The following TRHDE variants were observed in gnomAD, a reference collection of about 807,000 sequenced individuals.
The protein encoded by TRHDE is thyrotropin-releasing hormone-degrading ectoenzyme.
A neutral mutation model predicts 125.7 loss-of-function variants in TRHDE; 72 were observed. The observed-to-expected ratio is 0.57, with a 90% CI of 0.47 to 0.70. The LOEUF is 0.70. TRHDE is among the 30% of genes least tolerant of loss of function. The pLI is 0.00. For missense variants in TRHDE, 1,110 were observed against 1,327.1 expected, an observed-to-expected ratio of 0.84 and a Z score of 2.54; for synonymous variants, 509 against 509.1, an observed-to-expected ratio of 1.00 and a Z score of 0.00.
chr12:72,132,570 ACT>A (rs1456938085), intron 2 of TRHDE, among the ~76,000 whole-genome samples: 3 of 152,218 alleles, frequency 2.0e-5, no homozygotes, highest in Admixed American at 2.0e-4. Flanking sequence ...ATACTCTTGC[ACT>A]CTCTCTCCAA....
intron 7 of TRHDE, among the ~76,000 whole-genome samples, chr12:72,544,105 A>C (rs528586498): frequency 2.6e-4 from 39 of 151,542 alleles, no homozygotes; most frequent in African/African-American, 9.4e-4. Context: ...GATCAGATAG[A>C]TCTGTATCCT....
intron 7 of TRHDE, among the ~76,000 whole-genome samples, chr12:72,548,539 C>T (rs932556038): frequency 2.6e-5 from 4 of 151,584 alleles, no homozygotes; most frequent in Admixed American, 1.3e-4. Context: ...CCTGATTCTA[C>T]GTAAGTAGAA....
chr12:72,272,670 G>T lies in TRHDE; in HGVS notation c.27G>T (p.Glu9Asp). The T allele has an allele frequency of 6.3e-6, 8 of 1,273,990 alleles. No individual in the cohort carries two copies. The highest frequency in any genetic ancestry group is 8.4e-6 in the Non-Finnish European group (8 of 956,140). The allele number at this position is 1,273,990 out of a possible 1,614,324, so 78.9% of individuals were successfully genotyped here. The change falls in exon 1 of 19, where the codon GAG becomes GAT. Residue 9 changes from glutamate (E) to aspartate (D), a missense_variant. By Grantham distance (45) the Glu-to-Asp change is conservative. Coordinates refer to ENST00000261180, the MANE Select transcript of TRHDE (RefSeq NM_013381.3). This position sits in a 1 kb window ranked among gnomAD's most constrained non-coding sequence, Gnocchi z 6.7. MALDGELGEQEEEKKKKKK... is the reference protein window; with the variant it reads MALDGELGDQEEEKKKKKK... Reference sequence around the variant, plus strand: ...TGGCCCTGGACGGCGAGCTGGGGGAGCAAGAGGAGGAGAAGAAAAAGAAGA... The same window carrying T: ...TGGCCCTGGACGGCGAGCTGGGGGATCAAGAGGAGGAGAAGAAAAAGAAGA...
chr12:72,625,736 C>T (rs1270769799), intron 15 of TRHDE, among the ~76,000 whole-genome samples: 1 of 151,758 alleles, frequency 6.6e-6, no homozygotes, highest in African/African-American at 2.4e-5. Flanking sequence ...ATGCAACTTG[C>T]CAAGATTATA....
intron 2 of TRHDE, chr12:72,264,156 A>G (rs1879014833): frequency 6.6e-6 from 1 of 152,092 alleles, no homozygotes; most frequent in Non-Finnish European, 1.5e-5. Context: ...TACATGAAGA[A>G]TGTTTGGGAA....
chr12:72,168,123 T>C (rs547776272), intron 2 of TRHDE, among the ~76,000 whole-genome samples: 13 of 152,314 alleles, frequency 8.5e-5, no homozygotes, highest in Admixed American at 3.9e-4. Context: ...AAAGCAGATA[T>C]GCATATTTTG....
At chr12:72,437,243 G>A (rs1239455177) in intron 3 of TRHDE, among the ~76,000 whole-genome samples, 2 of 151,922 alleles carry the variant, frequency 1.3e-5, no homozygotes, top group East Asian at 1.9e-4. Context: ...TTCAAATATT[G>A]CCTTACAGAG....
At chr12:72,343,379 A>T (rs1180680696) in intron 2 of TRHDE, among the ~76,000 whole-genome samples, 1 of 152,120 alleles carries the variant, frequency 6.6e-6, no homozygotes, top group Non-Finnish European at 1.5e-5. Context: ...TGTGAATGCT[A>T]TATTTTCAAT....
chr12:72,310,205 C>T (rs138480457), intron 2 of TRHDE, among the ~76,000 whole-genome samples: 3 of 152,256 alleles, frequency 2.0e-5, no homozygotes, highest in East Asian at 3.9e-4. Flanking sequence ...ACTTTCTTCA[C>T]CTGTTAAAGG....
chr12:72,616,866 A>G (rs1872836835), intron 12 of TRHDE, among the ~76,000 whole-genome samples: 1 of 152,124 alleles, frequency 6.6e-6, no homozygotes, highest in Non-Finnish European at 1.5e-5. Context: ...ATATATAATC[A>G]CCACACTAAT....
chr12:72,443,302 A>C (rs577500481), intron 3 of TRHDE, among the ~76,000 whole-genome samples: 1 of 150,224 alleles, frequency 6.7e-6, no homozygotes, highest in African/African-American at 2.4e-5. Context: ...TTTATCTTTA[A>C]GGGAGTCTAC....
intron 6 of TRHDE, 73 bp from the exon 7 acceptor site, chr12:72,542,218 G>C: frequency 8.5e-7 from 1 of 1,171,932 alleles, no homozygotes; most frequent in Non-Finnish European, 1.2e-6. Context: ...AAGTAGACTA[G>C]ATTTGAGTAA....
chr12:72,482,922 G>T (rs1436150052), intron 5 of TRHDE, among the ~76,000 whole-genome samples: 1 of 151,362 alleles, frequency 6.6e-6, no homozygotes, highest in Non-Finnish European at 1.5e-5. Flanking sequence ...TCTTGAAATT[G>T]TTGGCTTCTT....
chr12:72,339,074 T>A (rs1869961451), intron 2 of TRHDE, among the ~76,000 whole-genome samples: 2 of 152,162 alleles, frequency 1.3e-5, no homozygotes, highest in Non-Finnish European at 2.9e-5. Context: ...GTATGACAGA[T>A]AATTGCCATC....
chr12:72,322,122 C>T (rs1216816494), intron 2 of TRHDE, among the ~76,000 whole-genome samples: 2 of 152,120 alleles, frequency 1.3e-5, no homozygotes, highest in Non-Finnish European at 2.9e-5. Flanking sequence ...GTTTGTGGTG[C>T]TTTCATGGTC....
intron 15 of TRHDE, among the ~76,000 whole-genome samples, chr12:72,639,270 G>C (rs1873920895): frequency 6.6e-6 from 1 of 151,842 alleles, no homozygotes; most frequent in Admixed American, 6.6e-5. Flanking sequence ...TTCCATCGCT[G>C]ATACCCTTTC....
chr12:72,190,561 G>T (rs1321916730), intron 2 of TRHDE, among the ~76,000 whole-genome samples: 2 of 152,162 alleles, frequency 1.3e-5, no homozygotes, highest in Admixed American at 1.3e-4. Context: ...AAGATTGGTG[G>T]TAAGTAAGTA....
At chr12:72,430,667 T>C (rs1384321808) in intron 3 of TRHDE, among the ~76,000 whole-genome samples, 1 of 151,896 alleles carries the variant, frequency 6.6e-6, no homozygotes, top group African/African-American at 2.4e-5. Context: ...ATTTATTGAT[T>C]CCTATTACCT....
chr12:72,538,577 T>C (rs1019474584), intron 6 of TRHDE, among the ~76,000 whole-genome samples: 2 of 152,008 alleles, frequency 1.3e-5, no homozygotes, highest in African/African-American at 4.8e-5. Flanking sequence ...CCAATTTATC[T>C]ATTCAATCGT....
Sources: gnomAD v4.1 joint callset for allele counts (sites outside exome capture counted in the v4.1 genomes callset) on GRCh38, gnomAD v4.1.1 for gene constraint, Gnocchi (gnomAD v3.1) non-coding constraint, MANE v1.5 for transcripts, NCBI Gene and HGNC (gene_info 2026-07-23, HGNC 2026-07-21) for gene names.